Variants in SETBP1 observed in about 807,000 individuals in gnomAD.
The protein encoded by SETBP1 is SET binding protein 1.
SETBP1 carries 9 observed loss-of-function variants against 101.0 expected under a neutral mutation model. The ratio of observed to expected loss-of-function variants is 0.09; its 90% CI spans 0.05 to 0.16. The LOEUF (loss-of-function observed/expected upper bound fraction) is 0.16. SETBP1 is among the 10% of genes least tolerant of loss of function. The pLI, the probability that SETBP1 is intolerant of heterozygous loss-of-function variation, is 1.00. For missense variants in SETBP1, 1,858 were observed against 2,033.8 expected, an observed-to-expected ratio of 0.91 and a Z score of 1.66; for synonymous variants, 818 against 788.5, an observed-to-expected ratio of 1.04 and a Z score of -0.63.
At chr18:44,834,288 C>T (rs543727676) in intron 2 of SETBP1, among the ~76,000 whole-genome samples, 1 of 152,212 alleles carries the variant, frequency 6.6e-6, no homozygotes, top group South Asian at 2.1e-4. Context: ...TGGTGCTAAG[C>T]CTTGCATAGA....
intron 2 of SETBP1, among the ~76,000 whole-genome samples, chr18:44,755,486 T>A (rs1307563938): frequency 6.6e-6 from 1 of 152,104 alleles, no homozygotes; most frequent in Non-Finnish European, 1.5e-5. Context: ...ACACCTTTTT[T>A]TTTTTTTCTT....
chr18:44,715,185 G>A (rs1394652842), intron 2 of SETBP1, among the ~76,000 whole-genome samples: 2 of 152,210 alleles, frequency 1.3e-5, no homozygotes, highest in Non-Finnish European at 2.9e-5. Flanking sequence ...TCACCTGGTT[G>A]TTTCTGCTGC....
intron 4 of SETBP1, among the ~76,000 whole-genome samples, chr18:44,984,835 C>T (rs1282295212): frequency 6.6e-6 from 1 of 152,128 alleles, no homozygotes; most frequent in Non-Finnish European, 1.5e-5. Flanking sequence ...TTTAAGTTTA[C>T]ATAATTCAAA....
At chr18:45,006,623 C>T (rs1485621094) in intron 4 of SETBP1, among the ~76,000 whole-genome samples, 1 of 152,126 alleles carries the variant, frequency 6.6e-6, no homozygotes, top group Non-Finnish European at 1.5e-5. Context: ...TTATGGCATT[C>T]GCCCTGTGTA....
At chr18:44,927,402 G>A (rs1157893488) in intron 3 of SETBP1, among the ~76,000 whole-genome samples, 1 of 152,154 alleles carries the variant, frequency 6.6e-6, no homozygotes, top group Non-Finnish European at 1.5e-5. Context: ...TAGCATGTCA[G>A]CACCCTCACC....
chr18:44,685,801 G>C (rs1487729166), intron 1 of SETBP1, among the ~76,000 whole-genome samples: 1 of 152,066 alleles, frequency 6.6e-6, no homozygotes, highest in Non-Finnish European at 1.5e-5. Flanking sequence ...ATGCCCACAA[G>C]GGCTCCTCGT....
chr18:45,050,828 G>A (rs954887738), intron 5 of SETBP1, among the ~76,000 whole-genome samples: 2 of 152,218 alleles, frequency 1.3e-5, no homozygotes, highest in African/African-American at 4.8e-5. Context: ...GCTTCCTGGA[G>A]TGCCTGGGGA....
chr18:44,872,910 G>C (rs2069311921), intron 3 of SETBP1, among the ~76,000 whole-genome samples: 1 of 152,218 alleles, frequency 6.6e-6, no homozygotes, highest in Non-Finnish European at 1.5e-5. Context: ...GTCCTCACCT[G>C]CTACATAAAC....
At chr18:45,051,487 G>A (rs930524087) in intron 5 of SETBP1, among the ~76,000 whole-genome samples, 10 of 152,128 alleles carry the variant, frequency 6.6e-5, no homozygotes, top group African/African-American at 2.4e-4. Flanking sequence ...CATAGTGGAG[G>A]CTATACATGT....
At chr18:44,738,528 C>A (rs548498652) in intron 2 of SETBP1, among the ~76,000 whole-genome samples, 2 of 152,174 alleles carry the variant, frequency 1.3e-5, no homozygotes, top group Non-Finnish European at 2.9e-5. Context: ...AATCCCAGCA[C>A]TTTGGGAGGC....
In SETBP1 at chr18:44,841,271, C is replaced by G. The variant is rs527735520; in HGVS notation, c.487-27959C>G. 2.0e-4 allele frequency among the ~76,000 whole-genome samples: 30 copies of G among 152,268 alleles called. 1 individual carries two copies. In the South Asian group the frequency reaches 6.2e-3, roughly 32 times the overall value. On this transcript the variant is annotated intron_variant, in intron 2 of 5. Coordinates refer to ENST00000649279, the MANE Select transcript of SETBP1 (RefSeq NM_015559.3). ...CTGGCAAATTCCTCCCGGTTCTTGGCAGGAGACCTCCAGTTCTTCAGCGCA... is the reference window on the plus strand; with the variant it reads ...CTGGCAAATTCCTCCCGGTTCTTGGGAGGAGACCTCCAGTTCTTCAGCGCA...
rs1225022803 is a variant in SETBP1, at chr18:44,941,203, T to C, written c.541-8678T>C. Among the ~76,000 whole-genome samples the C allele has an allele frequency of 2.0e-5, 3 of 147,698 alleles. No homozygotes were observed. In the East Asian group the frequency reaches 6.4e-4, roughly 31 times the overall value. On this transcript the variant is annotated intron_variant, in intron 3 of 5. Transcript: ENST00000649279. ...TTCAAGCAATTCTTGTGCCTCACCC[T>C]CCAAAGTAGCTGGGATTACAGGCAT...
At chr18:44,812,630 C>T (rs553475036) in intron 2 of SETBP1, among the ~76,000 whole-genome samples, 1 of 152,138 alleles carries the variant, frequency 6.6e-6, no homozygotes, top group African/African-American at 2.4e-5. Context: ...ATCTCTGCCT[C>T]TCTCCTGTGG....
chr18:44,745,710 C>A (rs899169583), intron 2 of SETBP1, among the ~76,000 whole-genome samples: 3 of 152,094 alleles, frequency 2.0e-5, no homozygotes, highest in Admixed American at 6.5e-5. Context: ...TCCTGAGGAT[C>A]TCAAAATGGG....
At chr18:44,874,122 A>G (rs1428164527) in intron 3 of SETBP1, among the ~76,000 whole-genome samples, 2 of 152,222 alleles carry the variant, frequency 1.3e-5, no homozygotes, top group Non-Finnish European at 2.9e-5. Flanking sequence ...ACTTTAAAAC[A>G]AATCCCAGTC....
In SETBP1 at chr18:44,936,463, C is replaced by T. The variant is rs971211261; in HGVS notation, c.541-13418C>T. Among the ~76,000 whole-genome samples, 7 of 152,330 alleles carry T rather than the reference C, an allele frequency of 4.6e-5. No homozygotes were observed. The South Asian group carries it at 8.3e-4, about 18-fold the overall frequency. ...TCTCTTTCAGTAAGTTTTCTGAAGT[C>T]GGCTTCCAGCTCTACTGCTGAGAGG... On this transcript the variant is annotated intron_variant, in intron 3 of 5. Coordinates refer to ENST00000649279, the MANE Select transcript of SETBP1 (RefSeq NM_015559.3).
chr18:44,963,299 G>A (rs1567995775), intron 4 of SETBP1, among the ~76,000 whole-genome samples: 1 of 152,136 alleles, frequency 6.6e-6, no homozygotes, highest in Non-Finnish European at 1.5e-5. Context: ...TTTAGTCTTT[G>A]CTAAAAATAG....
intron 3 of SETBP1, among the ~76,000 whole-genome samples, chr18:44,903,726 T>C (rs2070106253): frequency 3.9e-5 from 6 of 152,176 alleles, no homozygotes; most frequent in Admixed American, 2.6e-4. Flanking sequence ...ACAGACTAGG[T>C]ACAAAATAAA....
chr18:44,702,889 C>T (rs919655496), intron 2 of SETBP1, among the ~76,000 whole-genome samples: 1 of 152,210 alleles, frequency 6.6e-6, no homozygotes, highest in Non-Finnish European at 1.5e-5. Flanking sequence ...TAAGATTGGA[C>T]ATTGACTCAA....
Sources: gnomAD v4.1 joint callset for allele counts (sites outside exome capture counted in the v4.1 genomes callset) on GRCh38, gnomAD v4.1.1 for gene constraint, MANE v1.5 for transcripts, NCBI Gene and HGNC (gene_info 2026-07-23, HGNC 2026-07-21) for gene names.